CDC14A: variants seen among roughly 807,000 people sequenced by gnomAD.
CDC14A encodes the protein cell division cycle 14A.
CDC14A carries 53 observed loss-of-function variants against 74.4 expected under a neutral mutation model. The observed-to-expected ratio is 0.71, with a 90% CI of 0.57 to 0.89. The LOEUF (loss-of-function observed/expected upper bound fraction) is 0.89, where lower values mean the gene tolerates loss of function less well. CDC14A is among the 40% of genes least tolerant of loss of function. The probability of loss-of-function intolerance (pLI) is 0.00; values close to 1 mark genes in which losing one functional copy is unlikely to be tolerated. For missense variants in CDC14A, 646 were observed against 713.7 expected (o/e 0.91, Z 1.08); for synonymous variants, 247 against 258.4 (o/e 0.96, Z 0.43).
intron 4 of CDC14A, among the ~76,000 whole-genome samples, chr1:100,411,012 T>C (rs1027626229): frequency 6.7e-6 from 1 of 150,076 alleles, no homozygotes; most frequent in African/African-American, 2.5e-5. Context: ...TAGAGCTGTA[T>C]AGTGATTTTT....
At chr1:100,513,004 T>G (rs1048160683) in intron 15 of CDC14A, among the ~76,000 whole-genome samples, 1 of 152,152 alleles carries the variant, frequency 6.6e-6, no homozygotes, top group African/African-American at 2.4e-5. Flanking sequence ...TTCACCACTA[T>G]ACAATTCATC....
chr1:100,431,297 CT>C (rs552460071), intron 5 of CDC14A, among the ~76,000 whole-genome samples: 439 of 143,994 alleles, frequency 3.0e-3, no homozygotes, highest in Middle Eastern at 7.1e-3. Context: ...GCTCAGACTA[CT>C]TTTTTTTTTT....
chr1:100,452,082 G>A (rs576034489), intron 7 of CDC14A, among the ~76,000 whole-genome samples: 1 of 152,110 alleles, frequency 6.6e-6, no homozygotes. Context: ...CCTTGTAATC[G>A]TCAACCTCAA....
chr1:100,467,631 C>T (rs1667979397), intron 9 of CDC14A, among the ~76,000 whole-genome samples: 1 of 152,098 alleles, frequency 6.6e-6, no homozygotes, highest in South Asian at 2.1e-4. Flanking sequence ...CCCCCAGCCA[C>T]CCTTGCTTCC....
chr1:100,420,542 G>A (rs529677096), intron 4 of CDC14A, among the ~76,000 whole-genome samples: 1 of 152,122 alleles, frequency 6.6e-6, no homozygotes, highest in Admixed American at 6.5e-5. Context: ...GTTTCTCACG[G>A]TGTAGTAAAC....
chr1:100,440,049 G>A (rs1174197295), intron 6 of CDC14A, 51 bp downstream of exon 6: 2 of 1,330,144 alleles, frequency 1.5e-6, no homozygotes, highest in Admixed American at 3.4e-5. Context: ...AAAAAAATAT[G>A]AGAAAGGAAT....
chr1:100,392,102 A>G (rs1657793869), intron 4 of CDC14A, among the ~76,000 whole-genome samples: 1 of 152,152 alleles, frequency 6.6e-6, no homozygotes, highest in Non-Finnish European at 1.5e-5. Context: ...AATGACCCCT[A>G]CATTTCCTTT....
intron 11 of CDC14A, among the ~76,000 whole-genome samples, chr1:100,491,542 CTCTCTCTATA>C (rs1317420170): frequency 4.9e-4 from 20 of 40,978 alleles, no homozygotes; most frequent in African/African-American, 1.6e-3. Flanking sequence ...CTCTCTCTCT[CTCTCTCTATA>C]TATATATATA....
intron 4 of CDC14A, chr1:100,393,948 C>A: frequency 1.4e-5 from 3 of 216,372 alleles, no homozygotes; most frequent in South Asian, 1.3e-4. Flanking sequence ...TTCCCCCTCC[C>A]CACCGCAAAA....
chr1:100,407,137 C>T (rs1660055134), intron 4 of CDC14A, among the ~76,000 whole-genome samples: 3 of 152,078 alleles, frequency 2.0e-5, no homozygotes, highest in African/African-American at 7.2e-5. Flanking sequence ...AGCGTGATGC[C>T]TCCAGCTTTG....
At chr1:100,397,771 T>C (rs995325726) in intron 4 of CDC14A, among the ~76,000 whole-genome samples, 3 of 152,238 alleles carry the variant, frequency 2.0e-5, no homozygotes, top group Admixed American at 6.5e-5. Flanking sequence ...GTTAAGTCTT[T>C]GCATTGCTAA....
At chr1:100,393,306 G>T in intron 4 of CDC14A, 4 of 1,122,896 alleles carry the variant, frequency 3.6e-6, no homozygotes, top group Non-Finnish European at 5.5e-6. Flanking sequence ...TACTTTCCAG[G>T]CATTACATCC....
At chr1:100,434,843 A>G (rs886480746) in intron 5 of CDC14A, among the ~76,000 whole-genome samples, 6 of 152,166 alleles carry the variant, frequency 3.9e-5, no homozygotes, top group Non-Finnish European at 7.4e-5. Context: ...TGGCTGTACT[A>G]TTTTTGAAGC....
intron 3 of CDC14A, among the ~76,000 whole-genome samples, chr1:100,389,850 G>T (rs1657441604): frequency 6.6e-6 from 1 of 152,076 alleles, no homozygotes; most frequent in African/African-American, 2.4e-5. Context: ...GACAGTTTAT[G>T]TACCTATATT....
At chr1:100,450,742 C>T (rs552170599) in intron 7 of CDC14A, among the ~76,000 whole-genome samples, 5 of 152,210 alleles carry the variant, frequency 3.3e-5, no homozygotes, top group Middle Eastern at 6.8e-3. Context: ...TGAGACTTAC[C>T]CTGACCTAAA....
chr1:100,444,653 C>T (rs555851196), intron 7 of CDC14A, among the ~76,000 whole-genome samples: 7 of 152,252 alleles, frequency 4.6e-5, no homozygotes, highest in East Asian at 1.9e-4. Context: ...TCCTCCATTT[C>T]GTTTGTGTTA....
At chr1:100,485,160 C>G (rs975465001) in intron 11 of CDC14A, 3 of 985,254 alleles carry the variant, frequency 3.0e-6, no homozygotes, top group Non-Finnish European at 2.4e-6. Flanking sequence ...GAACTAGAAA[C>G]AACGTTGAAA....
chr1:100,360,347 T>TC (rs1653568019), intron 2 of CDC14A, among the ~76,000 whole-genome samples: 1 of 110,390 alleles, frequency 9.1e-6, no homozygotes, highest in African/African-American at 2.7e-5. Context: ...CATAGTTAGT[T>TC]CTTTTTTTTT....
intron 2 of CDC14A, among the ~76,000 whole-genome samples, chr1:100,358,176 A>C (rs2100886272): frequency 6.6e-6 from 1 of 152,332 alleles, no homozygotes; most frequent in South Asian, 2.1e-4. Flanking sequence ...ATAGCTCCAC[A>C]AAAAGGGAGC....
Sources: gnomAD v4.1 joint callset for allele counts (sites outside exome capture counted in the v4.1 genomes callset) on GRCh38, gnomAD v4.1.1 for gene constraint, MANE v1.5 for transcripts, NCBI Gene and HGNC (gene_info 2026-07-23, HGNC 2026-07-21) for gene names.